The following CMTM4 variants were observed in gnomAD, a reference collection of about 807,000 sequenced individuals.
CMTM4 encodes the protein CKLF-like MARVEL transmembrane domain-containing protein 4.
Under a neutral mutation model 19.0 loss-of-function variants are expected in CMTM4, and 8 were observed. The observed-to-expected ratio is 0.42, with a 90% CI of 0.25 to 0.76. CMTM4 has a LOEUF of 0.76. Among genes scored for constraint, CMTM4 ranks in the 30% least tolerant of loss-of-function variants. CMTM4 has a pLI of 0.27. For missense variants in CMTM4, 228 were observed against 290.2 expected (o/e 0.79, Z 1.56); for synonymous variants, 106 against 121.1 (o/e 0.88, Z 0.82).
intron 1 of CMTM4, among the ~76,000 whole-genome samples, chr16:66,666,071 C>CA (rs1279246508): frequency 2.0e-4 from 28 of 138,024 alleles, no homozygotes; most frequent in African/African-American, 2.4e-4. Context: ...GACTCTGTCT[C>CA]AAAAAAAACA....
intron 1 of CMTM4, among the ~76,000 whole-genome samples, chr16:66,662,578 G>A (rs1237185956): frequency 6.6e-6 from 1 of 152,112 alleles, no homozygotes; most frequent in Non-Finnish European, 1.5e-5. Flanking sequence ...CAATGCAGCA[G>A]CAGGAGGCTA....
chr16:66,691,533 T>C (rs1286469553), intron 1 of CMTM4, among the ~76,000 whole-genome samples: 1 of 152,104 alleles, frequency 6.6e-6, no homozygotes, highest in East Asian at 1.9e-4. Context: ...AGACCCTATC[T>C]CTACAAAAAA....
chr16:66,658,223 GGGAGGGAA>G (rs148161418), intron 1 of CMTM4, among the ~76,000 whole-genome samples: 6,048 of 148,440 alleles, frequency 0.041, 226 homozygotes, highest in East Asian at 0.14. Flanking sequence ...GAGGTAGGGA[GGGAGGGAA>G]GGAGGGAAGG....
At chr16:66,624,691 C>T (rs375077301) in intron 2 of CMTM4, among the ~76,000 whole-genome samples, 2 of 152,274 alleles carry the variant, frequency 1.3e-5, no homozygotes, top group African/African-American at 4.8e-5. Flanking sequence ...CACTTGAACC[C>T]GGGAGGCAGA....
At position 66,618,817 on chromosome 16, in the gene CMTM4, C is replaced by G; in HGVS notation, c.*3241G>C. ...ACATAGGGTGGAGGTCAGACACATTCCCTGGCTGCCCACAGGCGTGAGCCT... is the reference window on the plus strand; with the variant it reads ...ACATAGGGTGGAGGTCAGACACATTGCCTGGCTGCCCACAGGCGTGAGCCT... On this transcript the variant is annotated 3_prime_UTR_variant, in exon 4 of 4. Coordinates refer to ENST00000394106, the MANE Select transcript of CMTM4 (RefSeq NM_181521.3). The G allele has an allele frequency of 1.0e-6, 1 of 985,496 alleles. No individual in the cohort carries two copies. The highest frequency in any genetic ancestry group is 1.2e-6 in the Non-Finnish European group (1 of 829,960). 61.0% of individuals were successfully genotyped at this position (985,496 alleles called of 1,614,324 possible).
At chr16:66,686,045 G>A (rs867878222) in intron 1 of CMTM4, among the ~76,000 whole-genome samples, 18 of 151,862 alleles carry the variant, frequency 1.2e-4, no homozygotes, top group Admixed American at 2.6e-4. Flanking sequence ...ACGAGGTCAA[G>A]AGATCAAGAC....
At chr16:66,609,238 G>A in the CMTM4 span, 3 of 597,184 alleles carry the variant, frequency 5.0e-6, no homozygotes, top group Admixed American at 8.8e-5. This position sits in a 1 kb window ranked among gnomAD's most constrained non-coding sequence, Gnocchi z 4.4. Flanking sequence ...CCGGGATAGG[G>A]CAGTGTCAGC....
At chr16:66,629,138 C>A (rs1200901229) in intron 2 of CMTM4, among the ~76,000 whole-genome samples, 3 of 152,176 alleles carry the variant, frequency 2.0e-5, no homozygotes, top group Admixed American at 6.5e-5. Context: ...TGAAACAAAT[C>A]AAGGCTGAAC....
intron 1 of CMTM4, among the ~76,000 whole-genome samples, chr16:66,680,964 C>G (rs988663176): frequency 2.0e-5 from 3 of 152,100 alleles, no homozygotes; most frequent in African/African-American, 7.2e-5. Context: ...AAAGCCATTG[C>G]ACACACCTTC....
intron 1 of CMTM4, among the ~76,000 whole-genome samples, chr16:66,646,739 CTG>C (rs1236697662): frequency 1.3e-5 from 2 of 149,766 alleles, no homozygotes; most frequent in African/African-American, 2.5e-5. Flanking sequence ...CACAGTCTCG[CTG>C]TGTTACCCAG....
chr16:66,599,877 C>T, the CMTM4 span, among the ~76,000 whole-genome samples: 6 of 152,110 alleles, frequency 3.9e-5, no homozygotes, highest in Non-Finnish European at 7.4e-5. Context: ...TCCCCACATC[C>T]TCACCAGCAG....
intron 1 of CMTM4, among the ~76,000 whole-genome samples, chr16:66,675,765 C>T (rs576080760): frequency 6.6e-6 from 1 of 152,328 alleles, no homozygotes; most frequent in Non-Finnish European, 1.5e-5. Context: ...GCGCCACACA[C>T]TGCAGGACCG....
At chr16:66,659,979 CA>C (rs1252299280) in intron 1 of CMTM4, among the ~76,000 whole-genome samples, 1 of 152,110 alleles carries the variant, frequency 6.6e-6, no homozygotes, top group African/African-American at 2.4e-5. Context: ...CAATAAGAAA[CA>C]ACCCAATTAA....
intron 1 of CMTM4, among the ~76,000 whole-genome samples, chr16:66,688,915 AT>A (rs1358771255): frequency 2.0e-5 from 3 of 152,092 alleles, no homozygotes; most frequent in Non-Finnish European, 2.9e-5. Context: ...TATAACTGAT[AT>A]TGGTTTTTTT....
intron 2 of CMTM4, among the ~76,000 whole-genome samples, chr16:66,625,311 G>A (rs1355725555): frequency 2.0e-5 from 3 of 152,080 alleles, no homozygotes; most frequent in African/African-American, 7.2e-5. Context: ...GCACATGCCT[G>A]TAATCCCAGC....
rs1365503413 is a variant in CMTM4 at position 66,621,355 on chromosome 16, A to C, written c.*703T>G. On this transcript the variant is annotated 3_prime_UTR_variant, in exon 4 of 4. Coordinates refer to ENST00000394106, the MANE Select transcript of CMTM4 (RefSeq NM_181521.3). ...ATTTAGGGTAGGCAGGAAACTGGAA[A>C]ACAAGATAGTCCCCATAACAAGATG... is the stretch of plus-strand genomic sequence containing the variant. 16 of 985,684 alleles carry C rather than the reference A, an allele frequency of 1.6e-5. No homozygotes were observed. The highest frequency in any genetic ancestry group is 1.7e-5 in the African/African-American group (1 of 57,248). The allele number at this position is 985,684 out of a possible 1,614,324, so 61.1% of individuals were successfully genotyped here.
chr16:66,623,653 A>G, intron 2 of CMTM4, 151 bp from the exon 3 acceptor site: 1 of 550,744 alleles, frequency 1.8e-6, no homozygotes, highest in Non-Finnish European at 3.2e-6. Flanking sequence ...TACTGGTCAC[A>G]CAAAAGAAGG....
At chr16:66,607,641 G>A in the CMTM4 span, among the ~76,000 whole-genome samples, 1 of 152,142 alleles carries the variant, frequency 6.6e-6, no homozygotes, top group Admixed American at 6.5e-5. Flanking sequence ...TTTGGTGTTG[G>A]GTGTTACTTT....
chr16:66,606,468 AC>A, the CMTM4 span, among the ~76,000 whole-genome samples: 1 of 152,132 alleles, frequency 6.6e-6, no homozygotes, highest in East Asian at 1.9e-4. Flanking sequence ...GCTCAGCTGC[AC>A]CCAAGGCCAT....
Sources: gnomAD v4.1 joint callset for allele counts (sites outside exome capture counted in the v4.1 genomes callset) on GRCh38, gnomAD v4.1.1 for gene constraint, Gnocchi (gnomAD v3.1) non-coding constraint, MANE v1.5 for transcripts, NCBI Gene and HGNC (gene_info 2026-07-23, HGNC 2026-07-21) for gene names.